The following PLXNC1 variants were observed in gnomAD, a reference collection of about 807,000 sequenced individuals.
The protein encoded by PLXNC1 is plexin C1.
Under a neutral mutation model 178.2 loss-of-function variants are expected in PLXNC1, and 75 were observed. The ratio of observed to expected loss-of-function variants is 0.42; its 90% CI spans 0.35 to 0.51. The LOEUF (loss-of-function observed/expected upper bound fraction) is 0.51, where lower values mean the gene tolerates loss of function less well. Among genes scored for constraint, PLXNC1 ranks in the 20% least tolerant of loss-of-function variants. The pLI, the probability that PLXNC1 is intolerant of heterozygous loss-of-function variation, is 0.02. For missense variants in PLXNC1, 1,503 were observed against 1,984.4 expected (o/e 0.76, Z 4.61); for synonymous variants, 790 against 779.9 (o/e 1.01, Z -0.22).
chr12:94,222,271 G>A lies in PLXNC1; in HGVS notation c.1703-1957G>A, dbSNP rs117482930. ...CGTTGCACCCAACCCTTCACCTGCC[G>A]TTTTCTGAATATCTTACATATTCTG... On this transcript the variant is annotated intron_variant, in intron 6 of 30. Transcript: ENST00000258526. Among the ~76,000 whole-genome samples, 16 of 152,194 alleles carry A rather than the reference G, an allele frequency of 1.1e-4. 1 individual carries two copies. The East Asian group carries it at 2.7e-3, about 26-fold the overall frequency.
chr12:94,296,750 TCTC>T (rs752138512), intron 24 of PLXNC1, among the ~76,000 whole-genome samples: 17 of 152,246 alleles, frequency 1.1e-4, no homozygotes, highest in Non-Finnish European at 2.4e-4. Context: ...AGCATATAAT[TCTC>T]CTTCATAACC....
chr12:94,203,042 G>A (rs995065504), intron 4 of PLXNC1, among the ~76,000 whole-genome samples: 9 of 152,108 alleles, frequency 5.9e-5, no homozygotes, highest in Middle Eastern at 3.2e-3. Context: ...AGTGGGAAGC[G>A]GGAGACCTCA....
At chr12:94,160,148 C>T (rs1285020824) in intron 1 of PLXNC1, among the ~76,000 whole-genome samples, 1 of 152,136 alleles carries the variant, frequency 6.6e-6, no homozygotes, top group East Asian at 1.9e-4. Flanking sequence ...TCAGGCCCCA[C>T]ACATCCCTGT....
intron 3 of PLXNC1, among the ~76,000 whole-genome samples, chr12:94,183,555 A>T (rs1249978793): frequency 6.6e-6 from 1 of 152,240 alleles, no homozygotes; most frequent in Non-Finnish European, 1.5e-5. Flanking sequence ...TCCCACATGG[A>T]GCTGATAAAA....
At chr12:94,285,166 CAGG>C (rs1011908009) in intron 23 of PLXNC1, among the ~76,000 whole-genome samples, 2 of 152,146 alleles carry the variant, frequency 1.3e-5, no homozygotes, top group African/African-American at 2.4e-5. Context: ...CTAGAGAAGA[CAGG>C]AGGAGGAGCA....
rs190571835 is a variant in PLXNC1, at chr12:94,294,205, C to T, written c.3880-281C>T. On this transcript the variant is annotated intron_variant, in intron 23 of 30. Transcript: ENST00000258526. ...AGGGCTTCCCACCTCCCATCTGTCCCACAGGGTCCTGGCCTCCACCTTCTG... is the reference window on the plus strand; with the variant it reads ...AGGGCTTCCCACCTCCCATCTGTCCTACAGGGTCCTGGCCTCCACCTTCTG... 7.9e-4 allele frequency among the ~76,000 whole-genome samples: 120 copies of T among 152,296 alleles called. 1 individual carries two copies. In the East Asian group the frequency reaches 0.022, roughly 28 times the overall value.
At chr12:94,261,220 A>G (rs1273451268) in intron 20 of PLXNC1, among the ~76,000 whole-genome samples, 1 of 152,246 alleles carries the variant, frequency 6.6e-6, no homozygotes, top group African/African-American at 2.4e-5. Context: ...GTTGCCTACC[A>G]ATATGCTGTA....
chr12:94,299,945 C>T (rs1968299210), intron 27 of PLXNC1, among the ~76,000 whole-genome samples: 1 of 152,090 alleles, frequency 6.6e-6, no homozygotes, highest in Non-Finnish European at 1.5e-5. Flanking sequence ...AAGATTATGG[C>T]ATCTGAGCAG....
intron 22 of PLXNC1, among the ~76,000 whole-genome samples, chr12:94,281,293 A>C (rs531853335): frequency 1.3e-5 from 2 of 152,176 alleles, no homozygotes; most frequent in South Asian, 4.2e-4. Flanking sequence ...AAAAACAAAA[A>C]CAAAACCAAA....
intron 4 of PLXNC1, among the ~76,000 whole-genome samples, chr12:94,196,940 TTG>T (rs1463097371): frequency 6.6e-6 from 1 of 152,230 alleles, no homozygotes; most frequent in Non-Finnish European, 1.5e-5. Flanking sequence ...CAACATGCAC[TTG>T]TGATCTTACA....
chr12:94,274,489 G>C (rs1220261380), intron 21 of PLXNC1, among the ~76,000 whole-genome samples: 2 of 152,338 alleles, frequency 1.3e-5, no homozygotes, highest in South Asian at 4.1e-4. Context: ...GTTAGCAGAG[G>C]AGGGATGGCT....
chr12:94,270,063 A>G lies in PLXNC1; in HGVS notation c.3597+4838A>G, dbSNP rs1284942149. On this transcript the variant is annotated intron_variant, in intron 21 of 30. Coordinates refer to ENST00000258526, the MANE Select transcript of PLXNC1 (RefSeq NM_005761.3). The stretch of plus-strand genomic sequence containing the variant: ...TTCTTTATAGCTCAAATGTGACTCT[A>G]TTATGTTATTGTTAGGATCATTATT... Among the ~76,000 whole-genome samples the G allele has an allele frequency of 2.6e-5, 4 of 152,224 alleles. No homozygotes were observed. In the East Asian group the frequency reaches 7.7e-4, roughly 29 times the overall value.
rs1006731200 is a variant in PLXNC1, at chr12:94,275,844, G to A, written c.3598-3628G>A. 1.5e-3 allele frequency among the ~76,000 whole-genome samples: 172 copies of A among 114,738 alleles called. 16 individuals carry two copies. The highest frequency in any genetic ancestry group is 5.2e-3 in the African/African-American group (159 of 30,306). The allele number at this position is 114,738 out of a possible 152,430, so 75.3% of individuals were successfully genotyped here. ...CACTCCAGCCTGGGCGACAGAGCGA[G>A]ACTCCGTCTCAAAAAAAAAAAAAAA... is the stretch of plus-strand genomic sequence containing the variant. On this transcript the variant is annotated intron_variant, in intron 21 of 30. Transcript: ENST00000258526.
At chr12:94,284,066 G>A in intron 23 of PLXNC1, among the ~76,000 whole-genome samples, 1 of 138,528 alleles carries the variant, frequency 7.2e-6, no homozygotes, top group East Asian at 2.1e-4. Context: ...CTGTGCGACA[G>A]AGCAAGACTC....
chr12:94,226,493 T>C, intron 7 of PLXNC1, 112 bp from the exon 8 acceptor site: 1 of 692,652 alleles, frequency 1.4e-6, no homozygotes, highest in South Asian at 1.8e-5. Context: ...CAGGGATTTT[T>C]TTTTTTTTTT....
chr12:94,266,458 G>A (rs1436546730), intron 21 of PLXNC1, among the ~76,000 whole-genome samples: 1 of 152,192 alleles, frequency 6.6e-6, no homozygotes, highest in East Asian at 1.9e-4. Flanking sequence ...TAGCAGAATC[G>A]CCCAGAAAGC....
intron 4 of PLXNC1, among the ~76,000 whole-genome samples, chr12:94,205,087 G>C (rs988295948): frequency 3.9e-5 from 6 of 152,144 alleles, no homozygotes; most frequent in Non-Finnish European, 8.8e-5. Flanking sequence ...TGAGTAAGTG[G>C]TAAATTTTTA....
Position 94,240,507 on chromosome 12 carries a change from A to G in PLXNC1, c.2143A>G (p.Asn715Asp). The G allele has an allele frequency of 6.2e-7, 1 of 1,613,926 alleles. No individual in the cohort carries two copies. The highest frequency in any genetic ancestry group is 8.5e-7 in the Non-Finnish European group (1 of 1,179,814). ...TAGGATACAGGTTAGCCATGTGCTAAATGACACCCACATGAAATTCTCTCT... is the reference window on the plus strand; with the variant it reads ...TAGGATACAGGTTAGCCATGTGCTAGATGACACCCACATGAAATTCTCTCT... ...KDVIQVSHVL[N>D]DTHMKFSLPS... Residue 715 changes from asparagine (N) to aspartate (D), a missense_variant, in exon 11 of 31, where the codon AAT becomes GAT. Asn to Asp is a conservative substitution (Grantham distance 23, BLOSUM62 1). Around this residue, in one of 4 missense-constraint regions of PLXNC1, gnomAD observed 615 missense variants for 698.6 expected, o/e 0.88. Coordinates refer to ENST00000258526, the MANE Select transcript of PLXNC1 (RefSeq NM_005761.3).
intron 23 of PLXNC1, among the ~76,000 whole-genome samples, chr12:94,284,026 T>G (rs1966647665): frequency 7.1e-6 from 1 of 141,830 alleles, no homozygotes; most frequent in Non-Finnish European, 1.5e-5. Flanking sequence ...GAGGTTGCAG[T>G]GAGCTGAGAT....
Sources: gnomAD v4.1 joint callset for allele counts (sites outside exome capture counted in the v4.1 genomes callset) on GRCh38, gnomAD v4.1.1 for gene constraint, gnomAD v4.1.1 regional missense constraint, MANE v1.5 for transcripts, NCBI Gene and HGNC (gene_info 2026-07-23, HGNC 2026-07-21) for gene names.